TMEM74: variants seen among roughly 807,000 people sequenced by gnomAD.
The protein encoded by TMEM74 is transmembrane protein 74.
Under a neutral mutation model 18.1 loss-of-function variants are expected in TMEM74, and 13 were observed. The observed-to-expected ratio is 0.72, with a 90% confidence interval of 0.47 to 1.14. TMEM74 has a LOEUF of 1.14. TMEM74 is among the 50% of genes most tolerant of loss of function. The pLI is 0.00. For missense variants in TMEM74, 372 were observed against 375.9 expected, an observed-to-expected ratio of 0.99 and a Z score of 0.09; for synonymous variants, 159 against 146.6, an observed-to-expected ratio of 1.08 and a Z score of -0.61.
rs869263977 is a variant in TMEM74, at chr8:108,717,942, GTTTTTTTTTTTTTTTTT to G, written n.120-62522_120-62506del. Among the ~76,000 whole-genome samples the G allele has an allele frequency of 1.3e-4, 6 of 45,922 alleles. 1 individual carries two copies. The highest frequency in any genetic ancestry group is 2.0e-3 in the South Asian group (2 of 986). 30.1% of individuals were successfully genotyped at this position (45,922 alleles called of 152,430 possible). On this transcript the variant is annotated intron_variant and non_coding_transcript_variant, in intron 1 of 3. Coordinates refer to the TMEM74 transcript ENST00000518838. Reference sequence around the variant, plus strand: ...TTTCTAGTGATATGATCTGACTTAGGTTTTTTTTTTTTTTTTTTTTTTTTTTTTTTTTTTGAGACGGA... The same window carrying G: ...TTTCTAGTGATATGATCTGACTTAGGTTTTTTTTTTTTTTTTTGAGACGGA...
intron 1 of TMEM74, among the ~76,000 whole-genome samples, chr8:108,766,881 T>A (rs1814114338): frequency 6.6e-6 from 1 of 151,786 alleles, no homozygotes; most frequent in Non-Finnish European, 1.5e-5. Flanking sequence ...GAAGTTGGAG[T>A]GTGATGTTTG....
chr8:108,707,984 A>C (rs775944236), intron 1 of TMEM74, among the ~76,000 whole-genome samples: 1 of 152,128 alleles, frequency 6.6e-6, no homozygotes, highest in Non-Finnish European at 1.5e-5. Flanking sequence ...TCTAGGTAAG[A>C]AGCATAGTAC....
chr8:108,684,722 T>C (rs1248765493), intron 1 of TMEM74, among the ~76,000 whole-genome samples: 1 of 151,670 alleles, frequency 6.6e-6, no homozygotes, highest in East Asian at 1.9e-4. Flanking sequence ...TTGGGTCTTA[T>C]ATTGTATCTT....
chr8:108,704,418 A>G (rs1813370786), intron 1 of TMEM74, among the ~76,000 whole-genome samples: 1 of 152,216 alleles, frequency 6.6e-6, no homozygotes, highest in African/African-American at 2.4e-5. Flanking sequence ...GGTCTCAAGC[A>G]GTGCCTCTGT....
chr8:108,684,341 T>TCTCTGA (rs950015626), intron 1 of TMEM74, among the ~76,000 whole-genome samples: 6 of 152,276 alleles, frequency 3.9e-5, no homozygotes, highest in African/African-American at 1.4e-4. Flanking sequence ...GATTTGCATT[T>TCTCTGA]CTCTGATGAT....
chr8:108,708,109 A>G (rs1372459172), intron 1 of TMEM74, among the ~76,000 whole-genome samples: 1 of 152,122 alleles, frequency 6.6e-6, no homozygotes, highest in East Asian at 1.9e-4. Flanking sequence ...TCCCACTTAC[A>G]AGTGAGAACA....
intron 1 of TMEM74, among the ~76,000 whole-genome samples, chr8:108,764,994 T>C (rs1814087568): frequency 6.6e-6 from 1 of 152,156 alleles, no homozygotes. Context: ...GGCTCTGATG[T>C]GTCTGGGCCT....
chr8:108,737,609 C>G (rs1813761304), intron 1 of TMEM74, among the ~76,000 whole-genome samples: 1 of 152,074 alleles, frequency 6.6e-6, no homozygotes, highest in South Asian at 2.1e-4. Flanking sequence ...CATACTCACC[C>G]CTCTGAGACC....
At chr8:108,618,409 G>C (rs1812407215) in intron 2 of TMEM74, among the ~76,000 whole-genome samples, 1 of 152,122 alleles carries the variant, frequency 6.6e-6, no homozygotes, top group Non-Finnish European at 1.5e-5. Context: ...TGGAAAATCA[G>C]TTTTGCTACA....
At chr8:108,773,069 G>C (rs982004214) in intron 1 of TMEM74, among the ~76,000 whole-genome samples, 11 of 152,206 alleles carry the variant, frequency 7.2e-5, no homozygotes, top group Admixed American at 5.2e-4. Context: ...TTTTGATTGA[G>C]AATTGGGCAA....
intron 1 of TMEM74, among the ~76,000 whole-genome samples, chr8:108,687,903 C>T (rs754838289): frequency 1.6e-4 from 25 of 152,060 alleles, no homozygotes; most frequent in African/African-American, 5.3e-4. Context: ...TACAGGTACC[C>T]GTCCATAGCC....
chr8:108,739,913 G>T (rs569568231), intron 1 of TMEM74, among the ~76,000 whole-genome samples: 1 of 152,042 alleles, frequency 6.6e-6, no homozygotes, highest in Admixed American at 6.6e-5. Flanking sequence ...AAGTGGGACC[G>T]GGGGCCATCG....
At chr8:108,657,617 T>G (rs57433672) in intron 1 of TMEM74, among the ~76,000 whole-genome samples, 6,614 of 151,398 alleles carry the variant, frequency 0.044, 295 homozygotes, top group African/African-American at 0.12. Flanking sequence ...CAGCACTTTG[T>G]GAGGCAAAGG....
rs916818450 is a variant in TMEM74, at chr8:108,629,359, T to C, written n.265-20533A>G. On this transcript the variant is annotated intron_variant and non_coding_transcript_variant, in intron 2 of 3. Transcript: ENST00000518838. ...TGAAAAGACCAAGCCTATGATTGAT[T>C]GGTATACCTGAAAGTGACAGGGAGA... 4.6e-5 allele frequency among the ~76,000 whole-genome samples: 7 copies of C among 152,182 alleles called. No individual in the cohort carries two copies. The South Asian group carries it at 6.2e-4, about 14-fold the overall frequency.
chr8:108,726,878 G>T (rs1813644435), intron 1 of TMEM74, among the ~76,000 whole-genome samples: 1 of 152,106 alleles, frequency 6.6e-6, no homozygotes, highest in African/African-American at 2.4e-5. Context: ...GATATTAGGT[G>T]AATTAGGGGG....
chr8:108,642,418 T>C (rs1008081918), intron 2 of TMEM74, among the ~76,000 whole-genome samples: 7 of 146,316 alleles, frequency 4.8e-5, no homozygotes, highest in Non-Finnish European at 1.0e-4. Context: ...AGAGAGAAAA[T>C]ATATGTGTTC....
chr8:108,747,347 G>T lies in TMEM74; in HGVS notation n.119+40129C>A, dbSNP rs557776699. On this transcript the variant is annotated intron_variant and non_coding_transcript_variant, in intron 1 of 3. Coordinates refer to the TMEM74 transcript ENST00000518838. ...CAATGTTCCTTTCTAGCTAATGAAG[G>T]ATTTACAGAGCTGACAAGAATACAG... Among the ~76,000 whole-genome samples, 510 of 152,146 alleles carry T rather than the reference G, an allele frequency of 3.4e-3. 1 individual carries two copies. The highest frequency in any genetic ancestry group is 0.011 in the African/African-American group (475 of 41,514).
At chr8:108,623,918 C>T (rs1417972740) in intron 2 of TMEM74, among the ~76,000 whole-genome samples, 1 of 152,014 alleles carries the variant, frequency 6.6e-6, no homozygotes, top group Non-Finnish European at 1.5e-5. Flanking sequence ...TTATTGGAAT[C>T]AAAATACCTA....
chr8:108,694,229 C>T (rs1447132567), intron 1 of TMEM74, among the ~76,000 whole-genome samples: 1 of 152,164 alleles, frequency 6.6e-6, no homozygotes, highest in Non-Finnish European at 1.5e-5. Context: ...GCAACCACTA[C>T]CTCTATCTAG....
Sources: gnomAD v4.1 joint callset for allele counts (sites outside exome capture counted in the v4.1 genomes callset) on GRCh38, gnomAD v4.1.1 for gene constraint, MANE v1.5 for transcripts, NCBI Gene and HGNC (gene_info 2026-07-23, HGNC 2026-07-21) for gene names.